The following GRXCR1 variants were observed in gnomAD, a reference collection of about 807,000 sequenced individuals.
GRXCR1 encodes the protein glutaredoxin domain-containing cysteine-rich protein 1.
In GRXCR1, 27 loss-of-function variants were observed where a neutral mutation model predicts 27.3. The observed-to-expected ratio is 0.99, with a 90% CI of 0.73 to 1.37. GRXCR1 has a LOEUF of 1.37. GRXCR1 is among the 40% of genes most tolerant of loss of function. GRXCR1 has a pLI of 0.00. For missense variants in GRXCR1, 379 were observed against 354.4 expected (o/e 1.07, Z -0.56); for synonymous variants, 122 against 131.1 (o/e 0.93, Z 0.47).
At chr4:42,975,057 G>A (rs189788435) in intron 2 of GRXCR1, among the ~76,000 whole-genome samples, 10 of 152,160 alleles carry the variant, frequency 6.6e-5, no homozygotes, top group Admixed American at 5.2e-4. Context: ...ACCTCAGTGG[G>A]ACTCCTATGG....
At chr4:42,939,075 T>A (rs115900981) in intron 1 of GRXCR1, among the ~76,000 whole-genome samples, 5 of 152,100 alleles carry the variant, frequency 3.3e-5, no homozygotes, top group African/African-American at 1.2e-4. Context: ...GGCATTGCAC[T>A]GTATCTATAG....
At chr4:42,979,012 TC>T (rs1668526145) in intron 2 of GRXCR1, among the ~76,000 whole-genome samples, 1 of 152,062 alleles carries the variant, frequency 6.6e-6, no homozygotes, top group Non-Finnish European at 1.5e-5. Context: ...TCTTTCACTT[TC>T]TGCCATGATT....
chr4:43,030,482 T>C lies in GRXCR1; in HGVS notation c.815T>C (p.Leu272Pro). ...RNCFTDSFKA[L>P]KCTACNENGL... is the part of the protein sequence containing the mutation. ...TGCTTCACAGACTCTTTCAAAGCCC[T>C]GAAGTGTACGGCTTGCAATGAAAAT... The change falls in exon 4 of 4, where the codon CTG becomes CCG. Residue 272 changes from leucine (L) to proline (P), a missense_variant. By Grantham distance (98) the Leu-to-Pro change is moderately conservative. Transcript: ENST00000399770. 1 of 1,614,144 alleles carries C rather than the reference T, an allele frequency of 6.2e-7. No homozygotes were observed. Among genetic ancestry groups the C allele is most frequent in the Non-Finnish European group, 8.5e-7 (1 of 1,179,988 alleles).
chr4:42,935,627 G>C (rs879376114), intron 1 of GRXCR1, among the ~76,000 whole-genome samples: 1 of 151,886 alleles, frequency 6.6e-6, no homozygotes, highest in East Asian at 1.9e-4. Flanking sequence ...TAAGAGTGGA[G>C]GTTTGTGGTG....
rs1712953826 is a variant in GRXCR1 at position 43,017,072 on chromosome 4, T to C, written c.628-3282T>C. Among the ~76,000 whole-genome samples the C allele has an allele frequency of 2.0e-5, 3 of 152,210 alleles. No individual in the cohort carries two copies. In the South Asian group the frequency reaches 6.2e-4, roughly 32 times the overall value. ...TTGAAGGGTAATGAGATAGATTCTT[T>C]CCTGGCATATGCAATTATTCTAAAT... On this transcript the variant is annotated intron_variant, in intron 2 of 3. Coordinates refer to ENST00000399770, the MANE Select transcript of GRXCR1 (RefSeq NM_001080476.3).
intron 2 of GRXCR1, among the ~76,000 whole-genome samples, chr4:42,985,657 T>C (rs1711691633): frequency 1.3e-5 from 2 of 151,728 alleles, no homozygotes; most frequent in Non-Finnish European, 2.9e-5. Context: ...TAAATAAAAA[T>C]AGAAGAAATC....
At chr4:42,923,252 G>A (rs1453826510) in intron 1 of GRXCR1, among the ~76,000 whole-genome samples, 1 of 152,104 alleles carries the variant, frequency 6.6e-6, no homozygotes, top group Non-Finnish European at 1.5e-5. Context: ...GCTCATGTAA[G>A]CTGGGTAATA....
chr4:42,974,671 C>T (rs746787590), intron 2 of GRXCR1, among the ~76,000 whole-genome samples: 1 of 152,112 alleles, frequency 6.6e-6, no homozygotes, highest in Non-Finnish European at 1.5e-5. Context: ...ACTCTTATTG[C>T]TTCCTGCTTG....
chr4:42,904,105 T>C (rs2109740351), intron 1 of GRXCR1, among the ~76,000 whole-genome samples: 1 of 152,340 alleles, frequency 6.6e-6, no homozygotes, highest in African/African-American at 2.4e-5. Context: ...CCACACATTG[T>C]GATCAGCAAG....
At chr4:42,993,416 A>C (rs1226455522) in intron 2 of GRXCR1, among the ~76,000 whole-genome samples, 1 of 151,962 alleles carries the variant, frequency 6.6e-6, no homozygotes, top group African/African-American at 2.4e-5. Flanking sequence ...TATATGTTCT[A>C]GTTTTTAATT....
intron 2 of GRXCR1, among the ~76,000 whole-genome samples, chr4:42,974,147 A>G (rs1748451620): frequency 6.6e-6 from 1 of 152,052 alleles, no homozygotes; most frequent in African/African-American, 2.4e-5. Context: ...AAGACTCTCA[A>G]ATCCATCTCC....
chr4:42,965,457 G>A (rs1748216203), intron 2 of GRXCR1, among the ~76,000 whole-genome samples: 1 of 151,992 alleles, frequency 6.6e-6, no homozygotes, highest in Non-Finnish European at 1.5e-5. Context: ...AAATTGCAAT[G>A]CACGATTGTA....
chr4:43,002,730 G>C (rs903554714), intron 2 of GRXCR1, among the ~76,000 whole-genome samples: 3 of 151,238 alleles, frequency 2.0e-5, no homozygotes, highest in Non-Finnish European at 4.4e-5. Flanking sequence ...CCTTCTTCCT[G>C]TACCCTTTTA....
At chr4:42,972,766 A>T (rs1284569275) in intron 2 of GRXCR1, among the ~76,000 whole-genome samples, 1 of 152,154 alleles carries the variant, frequency 6.6e-6, no homozygotes, top group Non-Finnish European at 1.5e-5. Context: ...TGTAGCCATG[A>T]TTCAAATTTA....
chr4:42,907,334 G>A (rs944926987), intron 1 of GRXCR1, among the ~76,000 whole-genome samples: 3 of 152,082 alleles, frequency 2.0e-5, no homozygotes, highest in African/African-American at 7.2e-5. Context: ...TAAGTTTATT[G>A]CATCCAAGCA....
intron 1 of GRXCR1, among the ~76,000 whole-genome samples, chr4:42,950,710 A>C (rs976074172): frequency 6.6e-6 from 1 of 152,084 alleles, no homozygotes; most frequent in East Asian, 1.9e-4. Flanking sequence ...TAATCCTACA[A>C]CTCTCTTGTA....
At chr4:42,942,968 G>A (rs963152917) in intron 1 of GRXCR1, among the ~76,000 whole-genome samples, 1 of 152,058 alleles carries the variant, frequency 6.6e-6, no homozygotes, top group Non-Finnish European at 1.5e-5. Flanking sequence ...TGAAGAGTAA[G>A]GAGAGAAGGG....
At chr4:42,980,358 A>G (rs558857332) in intron 2 of GRXCR1, among the ~76,000 whole-genome samples, 1 of 151,780 alleles carries the variant, frequency 6.6e-6, no homozygotes, top group Non-Finnish European at 1.5e-5. Context: ...TCTTTGCCTC[A>G]AGATATTTTT....
chr4:43,016,668 T>A (rs1712941583), intron 2 of GRXCR1, among the ~76,000 whole-genome samples: 1 of 152,186 alleles, frequency 6.6e-6, no homozygotes. Context: ...CATGTGTGGC[T>A]TTTTTGCTTA....
Sources: allele counts gnomAD v4.1 joint callset (sites outside exome capture counted in the v4.1 genomes callset), GRCh38; gene constraint gnomAD v4.1.1; transcripts MANE v1.5; gene names NCBI Gene and HGNC (gene_info 2026-07-23, HGNC 2026-07-21).